TENM2: variants seen among roughly 807,000 people sequenced by gnomAD.
The protein encoded by TENM2 is teneurin-2.
TENM2 carries 52 observed loss-of-function variants against 245.2 expected under a neutral mutation model. That is an observed-to-expected ratio of 0.21 (90% CI 0.17 to 0.27). TENM2 has a LOEUF of 0.27. TENM2 is among the 10% of genes least tolerant of loss of function. The probability of loss-of-function intolerance (pLI) is 1.00; values close to 1 mark genes in which losing one functional copy is unlikely to be tolerated. For missense variants in TENM2, 3,046 were observed against 3,666.8 expected (o/e 0.83, Z 4.37); for synonymous variants, 1,363 against 1,438.9 (o/e 0.95, Z 1.19).
At chr5:167,832,419 C>G (rs973686475) in intron 2 of TENM2, among the ~76,000 whole-genome samples, 4 of 152,244 alleles carry the variant, frequency 2.6e-5, no homozygotes, top group Non-Finnish European at 4.4e-5. Flanking sequence ...TGCTGTTGAG[C>G]TACCACAAGG....
intron 2 of TENM2, among the ~76,000 whole-genome samples, chr5:167,461,199 A>G (rs183826709): frequency 6.6e-6 from 1 of 152,078 alleles, no homozygotes; most frequent in East Asian, 1.9e-4. Context: ...TAAGATATAT[A>G]GAAACCCAGA....
At chr5:168,235,064 A>C (rs544817301) in intron 25 of TENM2, among the ~76,000 whole-genome samples, 1 of 152,302 alleles carries the variant, frequency 6.6e-6, no homozygotes, top group Admixed American at 6.5e-5. Flanking sequence ...ATGTGAACAC[A>C]CACACATGAA....
At chr5:167,191,536 C>G in the TENM2 span, among the ~76,000 whole-genome samples, 7 of 152,024 alleles carry the variant, frequency 4.6e-5, no homozygotes, top group African/African-American at 1.7e-4. Flanking sequence ...TTATGAGCAT[C>G]ATTATATGAA....
intron 2 of TENM2, among the ~76,000 whole-genome samples, chr5:167,668,103 T>C (rs1428020048): frequency 6.6e-6 from 1 of 152,176 alleles, no homozygotes; most frequent in Non-Finnish European, 1.5e-5. Context: ...TGTTCTCACC[T>C]TTGAAAATCT....
rs117459442 is a variant in TENM2, at chr5:167,823,267, C to T, written c.503-52719C>T. On this transcript the variant is annotated intron_variant, in intron 2 of 28. Transcript: ENST00000518659. ...CTATTTTCATCAGATGCTTAGAATG[C>T]TTAGCTCTTTTCCATGAAAAACAAA... Among the ~76,000 whole-genome samples, 96 of 152,236 alleles carry T rather than the reference C, an allele frequency of 6.3e-4. No individual in the cohort carries two copies. The East Asian group carries it at 0.012, about 19-fold the overall frequency.
chr5:168,214,314 A>G (rs1025734151), intron 20 of TENM2, among the ~76,000 whole-genome samples: 3 of 152,212 alleles, frequency 2.0e-5, no homozygotes, highest in African/African-American at 7.2e-5. Context: ...ACACAAAGGT[A>G]TTAATCCCCT....
intron 1 of TENM2, among the ~76,000 whole-genome samples, chr5:167,327,091 T>C (rs1293244380): frequency 6.6e-6 from 1 of 152,190 alleles, no homozygotes; most frequent in African/African-American, 2.4e-5. Flanking sequence ...TTGTTACATA[T>C]GTATACATGT....
chr5:167,504,360 A>C (rs1258209711), intron 2 of TENM2, among the ~76,000 whole-genome samples: 1 of 152,202 alleles, frequency 6.6e-6, no homozygotes, highest in East Asian at 1.9e-4. Context: ...AATTTATTAT[A>C]TAATATTACT....
chr5:167,132,073 A>G, the TENM2 span, among the ~76,000 whole-genome samples: 1 of 152,110 alleles, frequency 6.6e-6, no homozygotes, highest in Non-Finnish European at 1.5e-5. Flanking sequence ...CACCTGCCTC[A>G]GCCTCCCAAA....
chr5:168,098,897 T>A (rs1188187860), intron 9 of TENM2, among the ~76,000 whole-genome samples: 3 of 152,154 alleles, frequency 2.0e-5, no homozygotes, highest in Non-Finnish European at 4.4e-5. Context: ...ATGTTTCTTT[T>A]CTATTTCATT....
At chr5:167,704,192 A>C (rs560288794) in intron 2 of TENM2, among the ~76,000 whole-genome samples, 1 of 152,270 alleles carries the variant, frequency 6.6e-6, no homozygotes, top group Non-Finnish European at 1.5e-5. Flanking sequence ...AGGTAGCTGG[A>C]GGGAGGATGC....
chr5:167,801,111 T>A (rs7723616), intron 2 of TENM2, among the ~76,000 whole-genome samples: 6,042 of 47,030 alleles, frequency 0.13, 329 homozygotes, highest in Non-Finnish European at 0.13. Flanking sequence ...AAAAAAAAAA[T>A]ATATATATAT....
the TENM2 span, among the ~76,000 whole-genome samples, chr5:167,279,099 G>T: frequency 1.3e-5 from 2 of 152,130 alleles, no homozygotes; most frequent in Non-Finnish European, 2.9e-5. Context: ...AAAAATGTTT[G>T]CTACTTTCTA....
chr5:168,078,712 T>C lies in TENM2; in HGVS notation c.1516-11862T>C, dbSNP rs556320170. ...ATCCTTTCCCCATTTCTTGTTTTTG[T>C]CAGGTTTGTCAAAGATCAGATGGTT... On this transcript the variant is annotated intron_variant, in intron 7 of 28. Transcript: ENST00000518659. 2.6e-5 allele frequency among the ~76,000 whole-genome samples: 4 copies of C among 152,352 alleles called. No homozygotes were observed. In the East Asian group the frequency reaches 7.7e-4, roughly 29 times the overall value.
At chr5:167,139,980 G>A in the TENM2 span, among the ~76,000 whole-genome samples, 12 of 152,210 alleles carry the variant, frequency 7.9e-5, no homozygotes, top group South Asian at 2.5e-3. Flanking sequence ...CATGAAAAGA[G>A]TTTTACTCTT....
chr5:167,174,096 A>C, the TENM2 span, among the ~76,000 whole-genome samples: 2 of 150,710 alleles, frequency 1.3e-5, no homozygotes, highest in Non-Finnish European at 2.9e-5. Context: ...TGTGATGTGA[A>C]CTGAGTTTTC....
chr5:167,468,719 T>C (rs1766823994), intron 2 of TENM2, among the ~76,000 whole-genome samples: 1 of 152,206 alleles, frequency 6.6e-6, no homozygotes, highest in Admixed American at 6.5e-5. Flanking sequence ...GATACCACTT[T>C]CTCTCTTAGA....
intron 2 of TENM2, among the ~76,000 whole-genome samples, chr5:167,630,327 C>T (rs2127790248): frequency 6.6e-6 from 1 of 152,202 alleles, no homozygotes; most frequent in Admixed American, 6.5e-5. Context: ...ACTGAGATGG[C>T]TACTACCTGA....
chr5:167,601,527 C>T (rs1182496701), intron 2 of TENM2, among the ~76,000 whole-genome samples: 2 of 152,198 alleles, frequency 1.3e-5, no homozygotes, highest in African/African-American at 2.4e-5. Flanking sequence ...TTAACATTTA[C>T]TCCGTGAGCT....
Sources: allele counts gnomAD v4.1 joint callset (sites outside exome capture counted in the v4.1 genomes callset), GRCh38; gene constraint gnomAD v4.1.1; transcripts MANE v1.5; gene names NCBI Gene and HGNC (gene_info 2026-07-23, HGNC 2026-07-21).